NEBL: variants seen among roughly 807,000 people sequenced by gnomAD.
The protein encoded by NEBL is nebulette, also known as LIM and SH3 protein 2.
NEBL carries 122 observed loss-of-function variants against 140.2 expected under a neutral mutation model. The ratio of observed to expected loss-of-function variants is 0.87; its 90% confidence interval spans 0.75 to 1.01. The LOEUF (loss-of-function observed/expected upper bound fraction) is 1.01. Among genes scored for constraint, NEBL ranks in the 50% least tolerant of loss-of-function variants. NEBL has a pLI of 0.00. For missense variants in NEBL, 1,365 were observed against 1,231.3 expected (o/e 1.11, Z -1.62); for synonymous variants, 436 against 398.9 (o/e 1.09, Z -1.11).
At chr10:21,160,739 T>A (rs1026118272) in intron 2 of NEBL, among the ~76,000 whole-genome samples, 2 of 151,912 alleles carry the variant, frequency 1.3e-5, no homozygotes, top group Non-Finnish European at 2.9e-5. Context: ...TGAAGAAAAA[T>A]CACTTGAGAA....
At chr10:21,268,381 G>C (rs897468494) in intron 1 of NEBL, among the ~76,000 whole-genome samples, 3 of 152,154 alleles carry the variant, frequency 2.0e-5, no homozygotes, top group African/African-American at 4.8e-5. Context: ...TACTTGGGAG[G>C]CTAAGGCAGG....
chr10:21,208,163 G>A (rs773878730), intron 3 of NEBL, among the ~76,000 whole-genome samples: 1 of 152,144 alleles, frequency 6.6e-6, no homozygotes, highest in Non-Finnish European at 1.5e-5. Flanking sequence ...TAGGAAATTG[G>A]GGTCATTGAT....
chr10:20,832,985 C>A (rs1002797288), intron 14 of NEBL, among the ~76,000 whole-genome samples: 3 of 152,176 alleles, frequency 2.0e-5, no homozygotes, highest in Admixed American at 6.5e-5. Flanking sequence ...TGAAGGCCAA[C>A]AAATATGATG....
Position 20,785,644 on chromosome 10 carries a change from A to G in NEBL, c.*103T>C, listed in dbSNP as rs1410040532. The G allele has an allele frequency of 1.5e-6, 2 of 1,318,184 alleles. No individual in the cohort carries two copies. Among genetic ancestry groups the G allele is most frequent in the Admixed American group, 3.9e-5 (2 of 50,672 alleles). The allele number at this position is 1,318,184 out of a possible 1,614,324, so 81.7% of individuals were successfully genotyped here. A position where few individuals can be genotyped will look rare whatever the true frequency, so the allele number is the denominator to read the frequency against. On this transcript the variant is annotated 3_prime_UTR_variant, in exon 28 of 28. Coordinates refer to ENST00000377122, the MANE Select transcript of NEBL (RefSeq NM_006393.3). ...CTAATTGTCAAAGGAAGGATACATCATTGTAAAATAATGGCCAAGTTGTCT... is the reference window on the plus strand; with the variant it reads ...CTAATTGTCAAAGGAAGGATACATCGTTGTAAAATAATGGCCAAGTTGTCT...
chr10:20,943,384 G>T (rs907794790), intron 4 of NEBL, among the ~76,000 whole-genome samples: 1 of 152,128 alleles, frequency 6.6e-6, no homozygotes, highest in Non-Finnish European at 1.5e-5. Context: ...GGTGGGAACC[G>T]AACAATGAGA....
intron 1 of NEBL, among the ~76,000 whole-genome samples, chr10:21,268,338 A>G (rs1424173654): frequency 6.6e-6 from 1 of 151,950 alleles, no homozygotes; most frequent in Non-Finnish European, 1.5e-5. Flanking sequence ...AGCCTAGCAT[A>G]GTGGCATGGT....
chr10:20,842,390 G>A (rs577213092), intron 12 of NEBL, among the ~76,000 whole-genome samples: 1 of 151,932 alleles, frequency 6.6e-6, no homozygotes, highest in Non-Finnish European at 1.5e-5. Flanking sequence ...GCAATGGGGG[G>A]ATCATAGGAA....
intron 4 of NEBL, among the ~76,000 whole-genome samples, chr10:20,904,678 C>T (rs1848015007): frequency 6.6e-6 from 1 of 152,186 alleles, no homozygotes; most frequent in South Asian, 2.1e-4. Flanking sequence ...ATGCAACACA[C>T]ACACATGTAA....
At chr10:21,209,713 G>A (rs975436874) in intron 3 of NEBL, among the ~76,000 whole-genome samples, 4 of 149,220 alleles carry the variant, frequency 2.7e-5, no homozygotes, top group East Asian at 2.0e-4. Flanking sequence ...GGAGGACCAG[G>A]AGCCATCTTG....
Position 21,033,130 on chromosome 10 carries a change from A to G in NEBL, c.165-12929T>C, listed in dbSNP as rs149423100. On this transcript the variant is annotated intron_variant, in intron 2 of 6. Coordinates refer to the NEBL transcript ENST00000417816. ...ATACACAAACAAGGAAATGTGTGACATCGAGCAGCCCTGTGATTTGTGCCC... is the reference window on the plus strand; with the variant it reads ...ATACACAAACAAGGAAATGTGTGACGTCGAGCAGCCCTGTGATTTGTGCCC... Among the ~76,000 whole-genome samples, 500 of 152,352 alleles carry G rather than the reference A, an allele frequency of 3.3e-3. 3 individuals are homozygous for G. Among genetic ancestry groups the G allele is most frequent in the African/African-American group, 0.012 (479 of 41,592 alleles).
upstream of NEBL, among the ~76,000 whole-genome samples, chr10:21,179,295 A>G (rs1461082856): frequency 1.3e-5 from 2 of 152,038 alleles, no homozygotes; most frequent in Non-Finnish European, 2.9e-5. Flanking sequence ...CCCCTTAACT[A>G]CTCCATAGAT....
In NEBL at chr10:20,974,025, G is replaced by A. The variant is rs77463910; in HGVS notation, c.250-12246C>T. On this transcript the variant is annotated intron_variant, in intron 3 of 6. Coordinates refer to the NEBL transcript ENST00000417816. ...ATTTTGTTCAAGTTAATGAGCATTG[G>A]GTACTTTTATCACTTGTGACCAAGA... Among the ~76,000 whole-genome samples the A allele has an allele frequency of 4.8e-3, 730 of 152,190 alleles. 6 individuals are homozygous for A. The highest frequency in any genetic ancestry group is 0.017 in the African/African-American group (705 of 41,506).
intron 26 of NEBL, among the ~76,000 whole-genome samples, chr10:20,791,006 G>C (rs960880311): frequency 5.9e-5 from 9 of 152,176 alleles, no homozygotes; most frequent in African/African-American, 9.7e-5. Flanking sequence ...GCTACAAATG[G>C]GGGACAATGG....
At chr10:21,029,233 G>C (rs529254224) in intron 2 of NEBL, 9 of 1,504,654 alleles carry the variant, frequency 6.0e-6, no homozygotes, top group Admixed American at 1.7e-5. Context: ...TGCTCCACCG[G>C]CTGCTCGGGA....
At chr10:21,008,827 T>A (rs1409410899) in intron 3 of NEBL, among the ~76,000 whole-genome samples, 3 of 152,104 alleles carry the variant, frequency 2.0e-5, no homozygotes, top group Non-Finnish European at 1.5e-5. Flanking sequence ...TCCACTAGGG[T>A]TCTTGGAACA....
chr10:21,030,813 G>T, intron 2 of NEBL: 1 of 360,906 alleles, frequency 2.8e-6, no homozygotes. Flanking sequence ...TACGGAATTT[G>T]TGACAATGAT....
At chr10:21,116,397 G>C (rs1160562309) in intron 2 of NEBL, among the ~76,000 whole-genome samples, 6 of 152,008 alleles carry the variant, frequency 3.9e-5, no homozygotes, top group Non-Finnish European at 7.4e-5. Context: ...TTCTTATAAA[G>C]TTATTAATCT....
intron 19 of NEBL, among the ~76,000 whole-genome samples, chr10:20,820,040 TA>T (rs1407241168): frequency 2.0e-5 from 3 of 152,188 alleles, no homozygotes; most frequent in African/African-American, 7.2e-5. Flanking sequence ...TTCATAGCAC[TA>T]AAGCAACATT....
Position 20,979,254 on chromosome 10 carries a change from CAAT to C in NEBL, c.250-17478_250-17476del, listed in dbSNP as rs1368957294. The stretch of plus-strand genomic sequence containing the variant: ...GCAAAAGAGCAAGACCTTGTCTCTA[CAAT>C]AATAATAATGATAATACACATATAA... On this transcript the variant is annotated intron_variant, in intron 3 of 6. Coordinates refer to the NEBL transcript ENST00000417816. 2.7e-5 allele frequency among the ~76,000 whole-genome samples: 4 copies of C among 149,218 alleles called. No individual in the cohort carries two copies. The East Asian group carries it at 7.9e-4, about 30-fold the overall frequency.
Sources: allele counts gnomAD v4.1 joint callset (sites outside exome capture counted in the v4.1 genomes callset), GRCh38; gene constraint gnomAD v4.1.1; transcripts MANE v1.5; gene names NCBI Gene and HGNC (gene_info 2026-07-23, HGNC 2026-07-21).